STX1B: variants seen among roughly 807,000 people sequenced by gnomAD.
STX1B encodes the protein syntaxin 1B, also known as syntaxin-1B.
In STX1B, 7 loss-of-function variants were observed where a neutral mutation model predicts 39.4. The ratio of observed to expected loss-of-function variants is 0.18; its 90% CI spans 0.10 to 0.33. The LOEUF is 0.33. Ranked by LOEUF, STX1B falls within the 10% of genes least tolerant of loss-of-function variation. The probability of loss-of-function intolerance (pLI) is 1.00; values close to 1 mark genes in which losing one functional copy is unlikely to be tolerated. For synonymous variants in STX1B, 136 were observed against 144.1 expected, an observed-to-expected ratio of 0.94 and a Z score of 0.40; for missense variants, 198 against 383.2, an observed-to-expected ratio of 0.52 and a Z score of 4.04.
At chr16:30,998,311 C>T (rs999891424) in intron 4 of STX1B, among the ~76,000 whole-genome samples, 2 of 152,278 alleles carry the variant, frequency 1.3e-5, no homozygotes, top group African/African-American at 4.8e-5. Context: ...CACCGGCCCT[C>T]TCAGACCTCA....
intron 4 of STX1B, among the ~76,000 whole-genome samples, chr16:30,997,801 T>G (rs2056603945): frequency 6.6e-6 from 1 of 152,208 alleles, no homozygotes; most frequent in South Asian, 2.1e-4. Context: ...GAAGGGATAC[T>G]GAGGGTCAGA....
At chr16:31,006,042 C>T (rs957024940) in intron 1 of STX1B, among the ~76,000 whole-genome samples, 4 of 152,104 alleles carry the variant, frequency 2.6e-5, no homozygotes, top group Non-Finnish European at 4.4e-5. Context: ...GATGGTGAGA[C>T]GGTGACAAAA....
rs199880822 is a variant in STX1B, at chr16:30,992,836, C to T, written c.852G>A (p.Gly284=). ...TGGGGGGGGCCTACAAGCCCAGCGT[C>T]CCCCCAATGGATGACGCCAAGACCA... ...LGVVLASSIG[G]TLGL Residue 284 remains glycine (G), a synonymous_variant, in exon 10 of 10, where the codon GGG becomes GGA. Transcript: ENST00000215095. The T allele has an allele frequency of 2.6e-5, 42 of 1,612,278 alleles. No individual in the cohort carries two copies. In the East Asian group the frequency reaches 8.2e-4, roughly 32 times the overall value.
chr16:30,998,846 A>G (rs936091633), intron 4 of STX1B, among the ~76,000 whole-genome samples: 1 of 152,188 alleles, frequency 6.6e-6, no homozygotes, highest in African/African-American at 2.4e-5. Flanking sequence ...ATGGACCTAG[A>G]GAAACCATTG....
Position 30,996,683 on chromosome 16 carries a change from G to A in STX1B, c.537C>T (p.Asp179=). The A allele has an allele frequency of 1.9e-6, 3 of 1,613,524 alleles. No homozygotes were observed. Among genetic ancestry groups the A allele is most frequent in the Non-Finnish European group, 1.7e-6 (2 of 1,179,592 alleles). ...AGAGCCCGCCCCACCCGCGGCTCACGTCATCTGTGAAGATGGCCAGCTTCC... is the reference window on the plus strand; with the variant it reads ...AGAGCCCGCCCCACCCGCGGCTCACATCATCTGTGAAGATGGCCAGCTTCC... The part of the protein sequence containing the change: ...ESGKLAIFTD[D]IKMDSQMTKQ... Residue 179 remains aspartate, a splice_region_variant and synonymous_variant, in exon 7 of 10, where the codon GAC becomes GAT. Coordinates refer to ENST00000215095, the MANE Select transcript of STX1B (RefSeq NM_052874.5).
chr16:30,996,823 G>A, intron 6 of STX1B, 67 bp from the exon 7 acceptor site: 3 of 1,591,984 alleles, frequency 1.9e-6, no homozygotes, highest in East Asian at 2.2e-5. Flanking sequence ...GGGGTGATGG[G>A]GCGGGGACCT....
intron 9 of STX1B, 53 bp from the exon 10 acceptor site, chr16:30,992,954 G>A (rs1002527502): frequency 1.3e-5 from 19 of 1,494,832 alleles, no homozygotes; most frequent in African/African-American, 1.4e-5. Context: ...ATCGACACAC[G>A]GACAGATGCA....
chr16:30,996,195 A>C (rs948122748), intron 7 of STX1B: 2 of 152,234 alleles, frequency 1.3e-5, no homozygotes, highest in Non-Finnish European at 2.9e-5. Context: ...AAAAAGAAAA[A>C]AAGTTTTTTT....
intron 7 of STX1B, 24 bp from the exon 8 acceptor site, chr16:30,993,508 A>G: frequency 6.2e-7 from 1 of 1,612,002 alleles, no homozygotes; most frequent in Non-Finnish European, 8.5e-7. Context: ...GGAGAGAGCT[A>G]CAATCACCCT....
chr16:31,001,273 G>T lies in STX1B; in HGVS notation c.106-80C>A. ...CCAGGGGAACCAGCCAGGGTTCAGG[G>T]GAATGGACCAGCCCCAGAACGGCTG... On this transcript the variant is annotated intron_variant, in intron 2 of 9. Transcript: ENST00000215095. The surrounding 1 kb of genome is among the most constrained non-coding windows in gnomAD (Gnocchi z 5.5). 1 of 1,377,914 alleles carries T rather than the reference G, an allele frequency of 7.3e-7. No homozygotes were observed. The highest frequency in any genetic ancestry group is 1.0e-6 in the Non-Finnish European group (1 of 981,052). 85.4% of individuals were successfully genotyped at this position (1,377,914 alleles called of 1,614,324 possible).
At chr16:31,008,222 A>C (rs1424282781) in intron 1 of STX1B, among the ~76,000 whole-genome samples, 1 of 151,020 alleles carries the variant, frequency 6.6e-6, no homozygotes, top group African/African-American at 2.4e-5. Context: ...TGAATCTGTC[A>C]GCTTTTCCCA....
intron 1 of STX1B, among the ~76,000 whole-genome samples, chr16:31,006,972 A>C (rs1465221524): frequency 6.6e-6 from 1 of 152,096 alleles, no homozygotes; most frequent in East Asian, 1.9e-4. Context: ...TTAGCCAGGC[A>C]TGGTGGTGCG....
In STX1B at chr16:31,010,638, T is replaced by G. The variant is rs2056677028; in HGVS notation, c.-242A>C. The G allele has an allele frequency of 8.8e-6, 1 of 113,122 alleles. No homozygotes were observed. Among genetic ancestry groups the G allele is most frequent in the Non-Finnish European group, 1.9e-5 (1 of 52,746 alleles). 7.0% of individuals were successfully genotyped at this position (113,122 alleles called of 1,614,324 possible). A position where few individuals can be genotyped will look rare whatever the true frequency, so the allele number is the denominator to read the frequency against. On this transcript the variant is annotated 5_prime_UTR_variant, in exon 1 of 10. Coordinates refer to ENST00000215095, the MANE Select transcript of STX1B (RefSeq NM_052874.5). ...GATGCGGCTGCGGCACAGGGTAGGA[T>G]GGAGGGATGCGGGAGCCGAGCGCGG...
In STX1B at chr16:30,993,133, C is replaced by G; in HGVS notation, c.783G>C (p.Arg261=). The part of the protein sequence containing the change: ...KKAVKYQSKA[R]RKKIMIIICC... ...CCAGGCCGCCTGCCCCGCTCACCCTCCGGGCCTTGCTCTGATATTTCACTG... is the reference window on the plus strand; with the variant it reads ...CCAGGCCGCCTGCCCCGCTCACCCTGCGGGCCTTGCTCTGATATTTCACTG... The change falls in exon 9 of 10, where the codon CGG becomes CGC. Residue 261 remains arginine (R), a synonymous_variant. Transcript: ENST00000215095. 1 of 1,614,186 alleles carries G rather than the reference C, an allele frequency of 6.2e-7. No individual in the cohort carries two copies. The highest frequency in any genetic ancestry group is 8.5e-7 in the Non-Finnish European group (1 of 1,180,014).
In STX1B at chr16:30,989,405, T is replaced by TAGAAATGGGACTCTGAGGGCTAAC. The variant is rs3833843; in HGVS notation, c.*3392_*3415dup. On this transcript the variant is annotated 3_prime_UTR_variant, in exon 10 of 10. Transcript: ENST00000215095. ...TATCCATTTGCAAGTTGGTCACCAA[T>TAGAAATGGGACTCTGAGGGCTAAC]AGAAATGGGACTCTGAGGGCTAACA... 3.3e-5 allele frequency: 5 copies of TAGAAATGGGACTCTGAGGGCTAAC among 150,408 alleles called. No homozygotes were observed. The highest frequency in any genetic ancestry group is 2.1e-4 in the South Asian group (1 of 4,776). The allele number at this position is 150,408 out of a possible 1,614,324, so 9.3% of individuals were successfully genotyped here. A position where few individuals can be genotyped will look rare whatever the true frequency, so the allele number is the denominator to read the frequency against.
Position 30,997,523 on chromosome 16 carries a change from G to A in STX1B, c.333C>T (p.Asp111=). 3 of 1,609,424 alleles carry A rather than the reference G, an allele frequency of 1.9e-6. No individual in the cohort carries two copies. Among genetic ancestry groups the A allele is most frequent in the Non-Finnish European group, 2.5e-6 (3 of 1,178,502 alleles). Residue 111 remains aspartate, a synonymous_variant, in exon 5 of 10, where the codon GAC becomes GAT. Coordinates refer to ENST00000215095, the MANE Select transcript of STX1B (RefSeq NM_052874.5). The part of the protein sequence containing the change: ...QEEGLNRSSA[D]LRIRKTQHST... ...CTACCTGGGTCTTGCGGATGCGCAG[G>A]TCCGCGGAGGAACGGTTCAGCCCCT... is the stretch of plus-strand genomic sequence containing the variant.
At chr16:30,999,573 T>C (rs557461015) in intron 4 of STX1B, among the ~76,000 whole-genome samples, 2 of 152,272 alleles carry the variant, frequency 1.3e-5, no homozygotes, top group South Asian at 4.1e-4. Flanking sequence ...GTCCTTAAAT[T>C]AGAGTGAATA....
intron 7 of STX1B, among the ~76,000 whole-genome samples, chr16:30,994,053 G>A (rs1830476850): frequency 6.6e-6 from 1 of 151,838 alleles, no homozygotes; most frequent in Non-Finnish European, 1.5e-5. Context: ...AGAACTTTGG[G>A]AGGCTGAAGC....
Position 30,996,751 on chromosome 16 carries a change from T to C in STX1B, c.469A>G (p.Arg157Gly). ...RIQRQLEITG[R>G]TTTNEELEDM... ...TCCAGTTCTTCGTTGGTGGTGGTCC[T>C]TCCAGCTGCGGGAAGAAAGGACTCC... The change falls in exon 7 of 10, where the codon AGG becomes GGG. Residue 157 changes from arginine to glycine, a missense_variant. Physicochemically the swap from Arg to Gly is moderately radical, Grantham distance 125. Transcript: ENST00000215095. The C allele has an allele frequency of 6.2e-7, 1 of 1,614,090 alleles. No homozygotes were observed. The highest frequency in any genetic ancestry group is 2.2e-5 in the East Asian group (1 of 44,886).
Sources: allele counts gnomAD v4.1 joint callset (sites outside exome capture counted in the v4.1 genomes callset), GRCh38; gene constraint gnomAD v4.1.1; non-coding constraint Gnocchi (gnomAD v3.1); transcripts MANE v1.5; gene names NCBI Gene and HGNC (gene_info 2026-07-23, HGNC 2026-07-21).